The following CR1 variants were observed in gnomAD, a reference collection of about 807,000 sequenced individuals.
CR1 encodes complement receptor type 1.
CR1 carries 116 observed loss-of-function variants against 187.3 expected under a neutral mutation model. The ratio of observed to expected loss-of-function variants is 0.62; its 90% CI spans 0.53 to 0.72. CR1 has a LOEUF of 0.72. Among genes scored for constraint, CR1 ranks in the 30% least tolerant of loss-of-function variants. The pLI is 0.00. For synonymous variants in CR1, 576 were observed against 747.1 expected (o/e 0.77, Z 3.73); for missense variants, 1,731 against 2,110.7 (o/e 0.82, Z 3.52).
intron 43 of CR1, among the ~76,000 whole-genome samples, chr1:207,621,373 A>G (rs1381216508): frequency 6.6e-6 from 1 of 152,244 alleles, no homozygotes; most frequent in Non-Finnish European, 1.5e-5. Context: ...TGTTGAAGGT[A>G]CTATTGTAAA....
At chr1:207,564,442 T>C (rs1308069155) in intron 23 of CR1, among the ~76,000 whole-genome samples, 1 of 150,002 alleles carries the variant, frequency 6.7e-6, no homozygotes, top group African/African-American at 2.5e-5. Flanking sequence ...CTGGAACATA[T>C]ATTAACTGGC....
chr1:207,615,904 G>T (rs1383887417), intron 40 of CR1, among the ~76,000 whole-genome samples: 4 of 152,106 alleles, frequency 2.6e-5, no homozygotes, highest in Non-Finnish European at 4.4e-5. Flanking sequence ...ATAAATTTGG[G>T]TATCTCTTCC....
intron 34 of CR1, among the ~76,000 whole-genome samples, chr1:207,588,033 G>T (rs1661163390): frequency 6.6e-6 from 1 of 152,226 alleles, no homozygotes; most frequent in Non-Finnish European, 1.5e-5. Flanking sequence ...GCAGTGAACT[G>T]TGCTTGGCTA....
At chr1:207,613,526 C>T (rs761074978) in intron 39 of CR1, among the ~76,000 whole-genome samples, 5 of 152,096 alleles carry the variant, frequency 3.3e-5, no homozygotes, top group Non-Finnish European at 7.4e-5. Flanking sequence ...AGGCTTTAAA[C>T]TGTCTTCAGC....
At chr1:207,518,631 C>A (rs1392367626) in intron 4 of CR1, among the ~76,000 whole-genome samples, 1 of 152,186 alleles carries the variant, frequency 6.6e-6, no homozygotes, top group African/African-American at 2.4e-5. Flanking sequence ...GGCTTCCTTC[C>A]AGTGGCTGCT....
In CR1 at chr1:207,568,022, C is replaced by A. The variant is rs757299511; in HGVS notation, c.4151C>A (p.Ala1384Asp). 8 of 1,610,696 alleles carry A rather than the reference C, an allele frequency of 5.0e-6. No individual in the cohort carries two copies. The highest frequency in any genetic ancestry group is 6.8e-6 in the Non-Finnish European group (8 of 1,179,614). The change falls in exon 25 of 47, where the codon GCC becomes GAC. Residue 1384 changes from alanine (A) to aspartate (D), a missense_variant. Coordinates refer to ENST00000367049, the MANE Select transcript of CR1 (RefSeq NM_000651.6). ...PQGNGVWSSP[A>D]PRCGILGHCQ... ...GGGAATGGGGTTTGGAGCAGCCCTG[C>A]CCCTCGCTGTGGAATTCTGGGTTAG...
intron 1 of CR1, among the ~76,000 whole-genome samples, chr1:207,497,309 A>G (rs1341883835): frequency 6.6e-6 from 1 of 152,202 alleles, no homozygotes; most frequent in Non-Finnish European, 1.5e-5. Context: ...ATAGGTAAAC[A>G]TCTTCAGTTA....
chr1:207,575,745 A>G (rs1660724987), intron 28 of CR1, 65 bp downstream of exon 28: 2 of 1,604,832 alleles, frequency 1.2e-6, no homozygotes, highest in African/African-American at 2.7e-5. Context: ...TCCTAGAATT[A>G]CAAAGAATGG....
At chr1:207,597,655 T>C (rs1315160741) in intron 35 of CR1, among the ~76,000 whole-genome samples, 2 of 152,186 alleles carry the variant, frequency 1.3e-5, no homozygotes, top group East Asian at 3.8e-4. Context: ...GGTGGAAATG[T>C]AAAATGGTGT....
At chr1:207,566,199 T>A (rs1427810323) in intron 24 of CR1, among the ~76,000 whole-genome samples, 3 of 150,082 alleles carry the variant, frequency 2.0e-5, no homozygotes, top group Non-Finnish European at 2.9e-5. Flanking sequence ...AATGTGAAGC[T>A]TTAACAATTT....
chr1:207,590,523 CCATCAACAATATGAAGAAACCA>C (rs1661239700), intron 35 of CR1, among the ~76,000 whole-genome samples: 2 of 152,244 alleles, frequency 1.3e-5, no homozygotes, highest in South Asian at 4.2e-4. Flanking sequence ...ATTGTAAAGA[CCATCAACAATATGAAGAAACCA>C]CATCAACTAA....
chr1:207,518,404 A>G (rs904798463), intron 4 of CR1, among the ~76,000 whole-genome samples: 12 of 152,178 alleles, frequency 7.9e-5, no homozygotes, highest in African/African-American at 2.9e-4. Context: ...TGTGGTTTAG[A>G]ACAGTCTTTT....
At chr1:207,587,864 T>C (rs907019956) in intron 34 of CR1, among the ~76,000 whole-genome samples, 1 of 152,276 alleles carries the variant, frequency 6.6e-6, no homozygotes, top group Admixed American at 6.5e-5. Flanking sequence ...CACCCCTTCT[T>C]CTTGCTTGTA....
intron 40 of CR1, among the ~76,000 whole-genome samples, chr1:207,616,357 G>T (rs1420417096): frequency 6.6e-6 from 1 of 152,136 alleles, no homozygotes; most frequent in Non-Finnish European, 1.5e-5. Flanking sequence ...GAGTGGTCCA[G>T]GAACACTGTC....
At chr1:207,573,896 C>T (rs896676963) in intron 27 of CR1, among the ~76,000 whole-genome samples, 1 of 152,134 alleles carries the variant, frequency 6.6e-6, no homozygotes, top group African/African-American at 2.4e-5. Flanking sequence ...CACTGAGAGG[C>T]TGAGGCAAGA....
chr1:207,597,582 A>T (rs1187957431), intron 35 of CR1, among the ~76,000 whole-genome samples: 5 of 152,192 alleles, frequency 3.3e-5, no homozygotes, highest in Admixed American at 1.3e-4. Flanking sequence ...TAATATTTTT[A>T]AAAAATAGGA....
At chr1:207,574,257 A>G (rs1340215677) in intron 27 of CR1, among the ~76,000 whole-genome samples, 1 of 152,216 alleles carries the variant, frequency 6.6e-6, no homozygotes, top group Non-Finnish European at 1.5e-5. Context: ...TCTGTGTTTC[A>G]GGGATAGAGA....
At chr1:207,515,074 C>A (rs1418951214) in intron 4 of CR1, among the ~76,000 whole-genome samples, 1 of 139,670 alleles carries the variant, frequency 7.2e-6, no homozygotes, top group Non-Finnish European at 1.5e-5. Flanking sequence ...TACGTATATA[C>A]GTATGCATAC....
intron 46 of CR1, among the ~76,000 whole-genome samples, chr1:207,638,699 A>C (rs1302746987): frequency 6.6e-6 from 1 of 152,240 alleles, no homozygotes; most frequent in Non-Finnish European, 1.5e-5. Context: ...TGGCACTCCA[A>C]GGAATTGAAG....
Sources: gnomAD v4.1 joint callset for allele counts (sites outside exome capture counted in the v4.1 genomes callset) on GRCh38, gnomAD v4.1.1 for gene constraint, MANE v1.5 for transcripts, NCBI Gene and HGNC (gene_info 2026-07-23, HGNC 2026-07-21) for gene names.